SLC9A9: variants seen among roughly 807,000 people sequenced by gnomAD.
SLC9A9 encodes the protein solute carrier family 9 member A9, also known as sodium/hydrogen exchanger 9.
SLC9A9 carries 62 observed loss-of-function variants against 77.8 expected under a neutral mutation model. That is an observed-to-expected ratio of 0.80 (90% confidence interval 0.65 to 0.98). SLC9A9 has a LOEUF of 0.98. SLC9A9 is among the 50% of genes least tolerant of loss of function. The pLI is 0.00. For synonymous variants in SLC9A9, 320 were observed against 283.5 expected, an observed-to-expected ratio of 1.13 and a Z score of -1.29; for missense variants, 775 against 774.9, an observed-to-expected ratio of 1.00 and a Z score of 0.00.
rs150901755 is a variant in SLC9A9 at position 143,409,422 on chromosome 3, G to A, written c.1470-27308C>T. Among the ~76,000 whole-genome samples the A allele has an allele frequency of 6.0e-3, 915 of 152,276 alleles. 3 individuals carry two copies. Among genetic ancestry groups the A allele is most frequent in the Non-Finnish European group, 0.011 (719 of 68,018 alleles). On this transcript the variant is annotated intron_variant, in intron 12 of 15. Transcript: ENST00000316549. Reference sequence around the variant, plus strand: ...GTCTAGAATGAATGATGGCTTAGCTGCTCAGTCCTTTGTTTCCATAGCCTC... The same window carrying A: ...GTCTAGAATGAATGATGGCTTAGCTACTCAGTCCTTTGTTTCCATAGCCTC...
chr3:143,402,237 TA>T (rs1212550066), intron 12 of SLC9A9, among the ~76,000 whole-genome samples: 12 of 152,116 alleles, frequency 7.9e-5, no homozygotes, highest in African/African-American at 2.9e-4. Flanking sequence ...CCTCAACGAA[TA>T]AAAAGGAAGA....
chr3:143,355,249 T>C (rs1232185585), intron 14 of SLC9A9, among the ~76,000 whole-genome samples: 1 of 152,196 alleles, frequency 6.6e-6, no homozygotes, highest in Non-Finnish European at 1.5e-5. Context: ...TTATTACAAG[T>C]ATATAAAATA....
chr3:143,453,423 C>G (rs550657841), intron 12 of SLC9A9, among the ~76,000 whole-genome samples: 2 of 151,970 alleles, frequency 1.3e-5, no homozygotes. Flanking sequence ...AAAAAGAAAA[C>G]TATAAGACTA....
At chr3:143,735,446 G>A (rs1934916770) in intron 4 of SLC9A9, among the ~76,000 whole-genome samples, 1 of 152,180 alleles carries the variant, frequency 6.6e-6, no homozygotes. Flanking sequence ...CCTAGGAAAA[G>A]TAATGTTGGA....
intron 2 of SLC9A9, among the ~76,000 whole-genome samples, chr3:143,830,996 A>C (rs1285258705): frequency 6.6e-6 from 1 of 152,174 alleles, no homozygotes; most frequent in African/African-American, 2.4e-5. Flanking sequence ...GGAGGAAGTT[A>C]ATCTAAAAAT....
chr3:143,813,553 A>G lies in SLC9A9; in HGVS notation c.379-16650T>C, dbSNP rs145565778. On this transcript the variant is annotated intron_variant, in intron 2 of 15. Coordinates refer to ENST00000316549, the MANE Select transcript of SLC9A9 (RefSeq NM_173653.4). The stretch of plus-strand genomic sequence containing the variant: ...CCCTCTCTCTTCCTCCCGCTCCCAA[A>G]CTTTGTAAGAGCAGAGCCCAGCATG... Among the ~76,000 whole-genome samples the G allele has an allele frequency of 7.2e-3, 1,089 of 152,184 alleles. 8 individuals are homozygous for G. Among genetic ancestry groups the G allele is most frequent in the Admixed American group, 0.011 (165 of 15,282 alleles).
intron 14 of SLC9A9, among the ~76,000 whole-genome samples, chr3:143,356,532 T>G (rs1304105148): frequency 6.6e-6 from 1 of 152,172 alleles, no homozygotes; most frequent in Non-Finnish European, 1.5e-5. Context: ...CTCCCAGGAT[T>G]TTTTAAGAGA....
At chr3:143,846,722 C>CA (rs35797256) in intron 1 of SLC9A9, among the ~76,000 whole-genome samples, 5 of 44,082 alleles carry the variant, frequency 1.1e-4, no homozygotes, top group Admixed American at 3.2e-4. Flanking sequence ...AACAATACAG[C>CA]AAAAAAAGGT....
chr3:143,686,615 T>A (rs1289671852), intron 5 of SLC9A9, among the ~76,000 whole-genome samples: 1 of 152,074 alleles, frequency 6.6e-6, no homozygotes, highest in Non-Finnish European at 1.5e-5. Flanking sequence ...TCTCCACATA[T>A]CTTTACACAC....
intron 6 of SLC9A9, among the ~76,000 whole-genome samples, chr3:143,599,576 A>G (rs567439750): frequency 8.5e-5 from 13 of 152,064 alleles, no homozygotes; most frequent in Non-Finnish European, 1.8e-4. Context: ...TGCCAGGGAT[A>G]CTCTCCAAGA....
At chr3:143,790,629 C>G (rs1011788464) in intron 4 of SLC9A9, among the ~76,000 whole-genome samples, 1 of 152,122 alleles carries the variant, frequency 6.6e-6, no homozygotes, top group Non-Finnish European at 1.5e-5. Context: ...GAGTTTACTA[C>G]CACTTACTGT....
At chr3:143,284,828 G>T (rs1487831044) in intron 14 of SLC9A9, among the ~76,000 whole-genome samples, 5 of 152,106 alleles carry the variant, frequency 3.3e-5, no homozygotes, top group Non-Finnish European at 7.4e-5. Flanking sequence ...GTGTTCAGGG[G>T]CTTCCCCTAC....
At chr3:143,307,700 C>A (rs2030848386) in intron 14 of SLC9A9, among the ~76,000 whole-genome samples, 2 of 152,222 alleles carry the variant, frequency 1.3e-5, no homozygotes, top group South Asian at 4.1e-4. Flanking sequence ...CTCAGCCTTG[C>A]AATGATAGCC....
intron 12 of SLC9A9, among the ~76,000 whole-genome samples, chr3:143,384,533 T>G (rs572644000): frequency 1.2e-3 from 186 of 152,264 alleles, no homozygotes; most frequent in Non-Finnish European, 1.0e-3. Flanking sequence ...GCCCAACATT[T>G]AACGTTTGAG....
At chr3:143,589,988 T>C (rs2037619379) in intron 6 of SLC9A9, among the ~76,000 whole-genome samples, 2 of 152,232 alleles carry the variant, frequency 1.3e-5, no homozygotes, top group Non-Finnish European at 2.9e-5. Context: ...AAATATCTAT[T>C]TCAATATGAG....
chr3:143,602,039 CT>C (rs935498341), intron 6 of SLC9A9, among the ~76,000 whole-genome samples: 12 of 152,104 alleles, frequency 7.9e-5, no homozygotes, highest in Non-Finnish European at 1.8e-4. Flanking sequence ...TTCCCATGTC[CT>C]TTTTTGTTTA....
chr3:143,826,836 T>A (rs1199094976), intron 2 of SLC9A9, among the ~76,000 whole-genome samples: 3 of 152,232 alleles, frequency 2.0e-5, no homozygotes, highest in Admixed American at 1.3e-4. Context: ...CTGCCCTTCT[T>A]AGAAATCTTT....
intron 9 of SLC9A9, among the ~76,000 whole-genome samples, chr3:143,522,823 C>T (rs1251509955): frequency 1.3e-5 from 2 of 152,094 alleles, no homozygotes; most frequent in African/African-American, 4.8e-5. Flanking sequence ...ATATAAAAAA[C>T]TGTAAGAGGA....
At chr3:143,372,555 T>C (rs186248573) in intron 13 of SLC9A9, among the ~76,000 whole-genome samples, 2 of 152,128 alleles carry the variant, frequency 1.3e-5, no homozygotes, top group Non-Finnish European at 2.9e-5. Context: ...TGGACACTGA[T>C]CTAGGCATAG....
Sources: allele counts gnomAD v4.1 joint callset (sites outside exome capture counted in the v4.1 genomes callset), GRCh38; gene constraint gnomAD v4.1.1; transcripts MANE v1.5; gene names NCBI Gene and HGNC (gene_info 2026-07-23, HGNC 2026-07-21).